The following IBA57 variants were observed in gnomAD, a reference collection of about 807,000 sequenced individuals.
IBA57 encodes iron-sulfur cluster assembly factor IBA57, mitochondrial.
In IBA57, 20 loss-of-function variants were observed where a neutral mutation model predicts 20.4. The ratio of observed to expected loss-of-function variants is 0.98; its 90% CI spans 0.69 to 1.42. The LOEUF (loss-of-function observed/expected upper bound fraction) is 1.42. Among genes scored for constraint, IBA57 ranks in the 40% most tolerant of loss-of-function variants. The probability of loss-of-function intolerance (pLI) is 0.00; values close to 1 mark genes in which losing one functional copy is unlikely to be tolerated. For synonymous variants in IBA57, 310 were observed against 233.9 expected, an observed-to-expected ratio of 1.33 and a Z score of -2.97; for missense variants, 608 against 499.3, an observed-to-expected ratio of 1.22 and a Z score of -2.07.
chr1:228,167,543 G>A (rs2034869609), intron 1 of IBA57, among the ~76,000 whole-genome samples: 1 of 152,068 alleles, frequency 6.6e-6, no homozygotes, highest in Non-Finnish European at 1.5e-5. Flanking sequence ...TTTTAGTAGA[G>A]ACAGGGTTTC....
chr1:228,174,523 T>C (rs375346184), intron 1 of IBA57, 169 bp from the exon 2 acceptor site: 2 of 544,440 alleles, frequency 3.7e-6, no homozygotes, highest in African/African-American at 4.0e-5. Context: ...CTGCGTGTGG[T>C]GACCTGGGCG....
chr1:228,169,148 C>G (rs2124973463), intron 1 of IBA57, among the ~76,000 whole-genome samples: 1 of 152,216 alleles, frequency 6.6e-6, no homozygotes, highest in South Asian at 2.1e-4. Flanking sequence ...TGGTTTGCCC[C>G]CTCTGGTCAC....
chr1:228,166,226 G>A, intron 1 of IBA57, 69 bp downstream of exon 1: 13 of 984,438 alleles, frequency 1.3e-5, no homozygotes, highest in Non-Finnish European at 1.4e-5. Context: ...GGCACCCAGG[G>A]ACAGGGCGGG....
Position 228,175,390 on chromosome 1 carries a change from C to G in IBA57, c.948C>G (p.Asn316Lys), listed in dbSNP as rs745998571. The G allele has an allele frequency of 1.2e-6, 2 of 1,612,786 alleles. No homozygotes were observed. Among genetic ancestry groups the G allele is most frequent in the Admixed American group, 1.7e-5 (1 of 59,994 alleles). ...GCAAGTTCAGGGCTGGCCAGGGCAACGTGGGGCTGGCCCTGCTGTGGTCAG... is the reference window on the plus strand; with the variant it reads ...GCAAGTTCAGGGCTGGCCAGGGCAAGGTGGGGCTGGCCCTGCTGTGGTCAG... ...TVGKFRAGQGNVGLALLWSEK... is the reference protein window; with the variant it reads ...TVGKFRAGQGKVGLALLWSEK... The change falls in exon 3 of 3, where the codon AAC (asparagine) becomes AAG (lysine). Residue 316 changes from asparagine to lysine, a missense_variant. Coordinates refer to ENST00000366711, the MANE Select transcript of IBA57 (RefSeq NM_001010867.4).
Position 228,170,884 on chromosome 1 carries a change from T to G in IBA57, c.342-3808T>G, listed in dbSNP as rs1456224107. On this transcript the variant is annotated intron_variant, in intron 1 of 2. Coordinates refer to ENST00000366711, the MANE Select transcript of IBA57 (RefSeq NM_001010867.4). The surrounding 1 kb of genome is among the most constrained non-coding windows in gnomAD (Gnocchi z 4.8). ...TCAGGCCGGGTCCCAGAGCAGTGTT[T>G]TCCTGAACATGACTGGAAACCCTTG... is the stretch of plus-strand genomic sequence containing the variant. 6.6e-6 allele frequency among the ~76,000 whole-genome samples: 1 copy of G among 152,046 alleles called. No individual in the cohort carries two copies. Among genetic ancestry groups the G allele is most frequent in the Non-Finnish European group, 1.5e-5 (1 of 68,002 alleles).
rs57766523 is a variant in IBA57, at chr1:228,178,006, C to CGTGTGTGT, written c.*2507_*2514dup. On this transcript the variant is annotated 3_prime_UTR_variant, in exon 3 of 3. Coordinates refer to ENST00000366711, the MANE Select transcript of IBA57 (RefSeq NM_001010867.4). ...TTGTGTTGTAAAAACATAGGAAGTT[C>CGTGTGTGT]GTGTGTGTGTGTGTGTGTGTGAATT... 2 of 149,618 alleles carry CGTGTGTGT rather than the reference C, an allele frequency of 1.3e-5. No individual in the cohort carries two copies. Among genetic ancestry groups the CGTGTGTGT allele is most frequent in the African/African-American group, 4.9e-5 (2 of 40,826 alleles). The allele number at this position is 149,618 out of a possible 1,614,324, so 9.3% of individuals were successfully genotyped here.
At chr1:228,166,183 G>C in intron 1 of IBA57, 26 bp downstream of exon 1, 2 of 1,408,940 alleles carry the variant, frequency 1.4e-6, no homozygotes, top group Middle Eastern at 1.9e-4. Flanking sequence ...GAGGGCGCTC[G>C]GGGGCGGGCA....
rs1250880776 is a variant in IBA57, at chr1:228,178,003, G to A, written c.*2490G>A. 1 of 151,694 alleles carries A rather than the reference G, an allele frequency of 6.6e-6. No homozygotes were observed. Among genetic ancestry groups the A allele is most frequent in the Non-Finnish European group, 1.5e-5 (1 of 68,100 alleles). 9.4% of individuals were successfully genotyped at this position (151,694 alleles called of 1,614,324 possible). A position where few individuals can be genotyped will look rare whatever the true frequency, so the allele number is the denominator to read the frequency against. ...AGTTTGTGTTGTAAAAACATAGGAA[G>A]TTCGTGTGTGTGTGTGTGTGTGTGA... is the stretch of plus-strand genomic sequence containing the variant. On this transcript the variant is annotated 3_prime_UTR_variant, in exon 3 of 3. Transcript: ENST00000366711.
intron 1 of IBA57, among the ~76,000 whole-genome samples, chr1:228,168,953 A>G (rs1334060181): frequency 6.6e-6 from 1 of 152,154 alleles, no homozygotes; most frequent in Admixed American, 6.5e-5. Flanking sequence ...GAGGGACACA[A>G]CAAGGTTACC....
In IBA57 at chr1:228,178,119, C is replaced by T. The variant is rs1187678750; in HGVS notation, c.*2606C>T. On this transcript the variant is annotated 3_prime_UTR_variant, in exon 3 of 3. Coordinates refer to ENST00000366711, the MANE Select transcript of IBA57 (RefSeq NM_001010867.4). ...TACCCTCACACCTCCTGCCTCCCCT[C>T]GTTAGAGTCCCCCACATCCGCCTTC... 8 of 152,228 alleles carry T rather than the reference C, an allele frequency of 5.3e-5. No individual in the cohort carries two copies. Among genetic ancestry groups the T allele is most frequent in the Admixed American group, 1.3e-4 (2 of 15,274 alleles). The allele number at this position is 152,228 out of a possible 1,614,324, so 9.4% of individuals were successfully genotyped here. A position where few individuals can be genotyped will look rare whatever the true frequency, so the allele number is the denominator to read the frequency against.
rs1298056442 is a variant in IBA57 at position 228,166,129 on chromosome 1, C to T, written c.313C>T (p.Arg105Trp). 3.9e-6 allele frequency: 6 copies of T among 1,532,932 alleles called. No homozygotes were observed. The African/African-American group carries it at 4.2e-5, about 11-fold the overall frequency. 95.0% of individuals were successfully genotyped at this position (1,532,932 alleles called of 1,614,324 possible). A position where few individuals can be genotyped will look rare whatever the true frequency, so the allele number is the denominator to read the frequency against. The change falls in exon 1 of 3, where the codon CGG (arginine) becomes TGG (tryptophan). Residue 105 changes from arginine to tryptophan, a missense_variant. By Grantham distance (101) the Arg-to-Trp change is moderately radical. Transcript: ENST00000366711. ...GYAHFLNVQG[R>W]TLYDVILYGL... ...CGCCCACTTCCTGAACGTGCAGGGC[C>T]GGACGCTCTATGACGTCATCTTGTA... is the stretch of plus-strand genomic sequence containing the variant.
chr1:228,179,869 TGA>T lies in IBA57; in HGVS notation c.*4358_*4359del. On this transcript the variant is annotated 3_prime_UTR_variant, in exon 3 of 3. Coordinates refer to ENST00000366711, the MANE Select transcript of IBA57 (RefSeq NM_001010867.4). ...ACCCAGAAAATCCGTCTTTCAAGAA[TGA>T]GGGGCCAGGCGCAGTGGCTCACGTC... 6.6e-6 allele frequency: 1 copy of T among 152,110 alleles called. No homozygotes were observed. Among genetic ancestry groups the T allele is most frequent in the East Asian group, 1.9e-4 (1 of 5,180 alleles). 9.4% of individuals were successfully genotyped at this position (152,110 alleles called of 1,614,324 possible).
At chr1:228,169,116 T>G (rs1054930350) in intron 1 of IBA57, among the ~76,000 whole-genome samples, 1 of 152,048 alleles carries the variant, frequency 6.6e-6, no homozygotes, top group South Asian at 2.1e-4. Context: ...GGGCTGCTGT[T>G]GGCTGTTGAC....
chr1:228,173,224 C>T (rs1354079652), intron 1 of IBA57: 1 of 152,570 alleles, frequency 6.6e-6, no homozygotes, highest in African/African-American at 2.4e-5. Flanking sequence ...ACTGAGCCCT[C>T]TCCTGGCTGG....
intron 1 of IBA57, among the ~76,000 whole-genome samples, chr1:228,173,834 C>G (rs888927759): frequency 6.6e-6 from 1 of 152,244 alleles, no homozygotes; most frequent in Admixed American, 6.5e-5. Flanking sequence ...TGCCCTCGGG[C>G]AGGCTATTGC....
In IBA57 at chr1:228,175,110, C is replaced by T. The variant is rs1329015790; in HGVS notation, c.680-12C>T. ...TCAATTCTCGCTGGTTTCCCCCCTC[C>T]AATCCCTGCAGGCGTTCCTGAGGGG... On this transcript the variant is annotated splice_polypyrimidine_tract_variant and intron_variant, in intron 2 of 2. Transcript: ENST00000366711. 3 of 1,607,080 alleles carry T rather than the reference C, an allele frequency of 1.9e-6. No homozygotes were observed. Among genetic ancestry groups the T allele is most frequent in the African/African-American group, 2.7e-5 (2 of 74,912 alleles).
At chr1:228,166,310 G>T (rs2034852861) in intron 1 of IBA57, among the ~76,000 whole-genome samples, 153 bp downstream of exon 1, 1 of 152,050 alleles carries the variant, frequency 6.6e-6, no homozygotes, top group Non-Finnish European at 1.5e-5. Flanking sequence ...CTCAAGGGTG[G>T]GTGGGCCAGC....
chr1:228,174,874 T>C lies in IBA57; in HGVS notation c.524T>C (p.Leu175Pro). 3 of 1,609,260 alleles carry C rather than the reference T, an allele frequency of 1.9e-6. No homozygotes were observed. The highest frequency in any genetic ancestry group is 2.5e-6 in the Non-Finnish European group (3 of 1,178,790). Residue 175 changes from leucine (L) to proline (P), a missense_variant, in exon 2 of 3, where the codon CTG becomes CCG. Leu to Pro is a moderately conservative substitution (Grantham distance 98). Coordinates refer to ENST00000366711, the MANE Select transcript of IBA57 (RefSeq NM_001010867.4). ...SSPEACGAASLQERAGAAAIL... is the reference protein window; with the variant it reads ...SSPEACGAASPQERAGAAAIL... ...CCTGAGGCCTGCGGGGCTGCATCGC[T>C]GCAGGAGAGGGCAGGGGCTGCCGCC... is the stretch of plus-strand genomic sequence containing the variant.
chr1:228,182,167 C>T lies in IBA57; in HGVS notation c.*6654C>T, dbSNP rs1316073856. Reference sequence around the variant, plus strand: ...AACTGGGAGATGGCTGAGCTCTGGTCCATCTTTCATTGATTCATTCATTTC... The same window carrying T: ...AACTGGGAGATGGCTGAGCTCTGGTTCATCTTTCATTGATTCATTCATTTC... On this transcript the variant is annotated 3_prime_UTR_variant, in exon 3 of 3. Transcript: ENST00000366711. 6.7e-6 allele frequency: 1 copy of T among 148,804 alleles called. No individual in the cohort carries two copies. Among genetic ancestry groups the T allele is most frequent in the Non-Finnish European group, 1.5e-5 (1 of 66,706 alleles). 9.2% of individuals were successfully genotyped at this position (148,804 alleles called of 1,614,324 possible).
Sources: gnomAD v4.1 joint callset for allele counts (sites outside exome capture counted in the v4.1 genomes callset) on GRCh38, gnomAD v4.1.1 for gene constraint, Gnocchi (gnomAD v3.1) non-coding constraint, MANE v1.5 for transcripts, NCBI Gene and HGNC (gene_info 2026-07-23, HGNC 2026-07-21) for gene names.